The following CTNNA3 variants were observed in gnomAD, a reference collection of about 807,000 sequenced individuals.
CTNNA3 encodes the protein catenin alpha-3.
CTNNA3 carries 76 observed loss-of-function variants against 95.7 expected under a neutral mutation model. That is an observed-to-expected ratio of 0.79 (90% CI 0.66 to 0.96). The LOEUF is 0.96. CTNNA3 is among the 40% of genes least tolerant of loss of function. The pLI is 0.00. For synonymous variants in CTNNA3, 431 were observed against 374.4 expected, an observed-to-expected ratio of 1.15 and a Z score of -1.74; for missense variants, 1,191 against 1,089.8, an observed-to-expected ratio of 1.09 and a Z score of -1.31.
intron 5 of CTNNA3, among the ~76,000 whole-genome samples, chr10:67,318,868 A>C (rs1841181137): frequency 6.6e-6 from 1 of 152,214 alleles, no homozygotes; most frequent in Non-Finnish European, 1.5e-5. Context: ...GTTCACAAAA[A>C]ACTTAACATA....
chr10:66,796,413 A>G (rs1841192233), intron 7 of CTNNA3, among the ~76,000 whole-genome samples: 1 of 152,072 alleles, frequency 6.6e-6, no homozygotes, highest in Admixed American at 6.6e-5. Context: ...TAATTTACCC[A>G]TCTTATATGG....
intron 5 of CTNNA3, among the ~76,000 whole-genome samples, chr10:67,272,031 A>G (rs193178064): frequency 3.3e-5 from 5 of 152,322 alleles, no homozygotes; most frequent in African/African-American, 9.6e-5. Flanking sequence ...GGCCCACTAA[A>G]CTGTATACAT....
intron 17 of CTNNA3, 35 bp from the exon 18 acceptor site, chr10:65,920,652 C>T: frequency 6.3e-7 from 1 of 1,592,332 alleles, no homozygotes; most frequent in Non-Finnish European, 8.6e-7. Context: ...AGCTATTATT[C>T]CAGGAGGTTT....
intron 11 of CTNNA3, among the ~76,000 whole-genome samples, chr10:66,486,584 A>G (rs542634083): frequency 2.0e-5 from 3 of 152,282 alleles, no homozygotes; most frequent in South Asian, 2.1e-4. Context: ...AGCTTTGTAC[A>G]CTGTTCGTGG....
intron 15 of CTNNA3, among the ~76,000 whole-genome samples, chr10:66,052,727 T>A (rs1328472171): frequency 1.3e-5 from 2 of 152,054 alleles, no homozygotes; most frequent in African/African-American, 4.8e-5. Flanking sequence ...AGGGTTGAGA[T>A]TTTGTGTCAT....
intron 12 of CTNNA3, among the ~76,000 whole-genome samples, chr10:66,293,487 C>T (rs1393407278): frequency 6.6e-6 from 1 of 151,612 alleles, no homozygotes; most frequent in East Asian, 1.9e-4. Flanking sequence ...AACTTTAAGC[C>T]AAAGAATCTA....
chr10:67,545,073 G>GT (rs61552682), intron 3 of CTNNA3, among the ~76,000 whole-genome samples: 60,068 of 151,966 alleles, frequency 0.4, 15,127 homozygotes, highest in African/African-American at 0.68. Context: ...ACTAATCTGT[G>GT]TTTTTTTATT....
chr10:67,385,335 A>G (rs1169075502), intron 5 of CTNNA3, among the ~76,000 whole-genome samples: 2 of 152,190 alleles, frequency 1.3e-5, no homozygotes, highest in Non-Finnish European at 2.9e-5. Context: ...CAAGAATGGG[A>G]CTTTTTAATT....
At chr10:67,186,774 A>AT (rs1295425751) in intron 6 of CTNNA3, among the ~76,000 whole-genome samples, 1 of 152,030 alleles carries the variant, frequency 6.6e-6, no homozygotes, top group African/African-American at 2.4e-5. Flanking sequence ...AATAGAAAAT[A>AT]TTTTTCCTTT....
chr10:66,157,491 GTAGATAGATAGA>G (rs34507083), intron 13 of CTNNA3, among the ~76,000 whole-genome samples: 24,797 of 147,338 alleles, frequency 0.17, 2,197 homozygotes, highest in Admixed American at 0.24. Context: ...AGATAGATAT[GTAGATAGATAGA>G]TAGATAGATA....
intron 7 of CTNNA3, among the ~76,000 whole-genome samples, chr10:67,103,341 C>G (rs1589743061): frequency 6.6e-6 from 1 of 151,774 alleles, no homozygotes; most frequent in Non-Finnish European, 1.5e-5. Flanking sequence ...CAGGTTGCTT[C>G]CTGACAGACT....
chr10:66,978,049 C>T (rs1404331702), intron 7 of CTNNA3, among the ~76,000 whole-genome samples: 1 of 3,212 alleles, frequency 3.1e-4, no homozygotes. Flanking sequence ...TAAATTTGCA[C>T]ACACATATAT....
chr10:66,336,084 G>A lies in CTNNA3; in HGVS notation c.1732+43068C>T, dbSNP rs188173264. Among the ~76,000 whole-genome samples the A allele has an allele frequency of 1.6e-3, 242 of 151,270 alleles. 3 individuals are homozygous for A. Among genetic ancestry groups the A allele is most frequent in the Middle Eastern group, 3.4e-3 (1 of 292 alleles). ...TATTTGCTAAGACCATTGGAAAAGCGCAGTATTAGGGTGGGAGTGACCCGA... is the reference window on the plus strand; with the variant it reads ...TATTTGCTAAGACCATTGGAAAAGCACAGTATTAGGGTGGGAGTGACCCGA... On this transcript the variant is annotated intron_variant, in intron 12 of 17. Coordinates refer to ENST00000433211, the MANE Select transcript of CTNNA3 (RefSeq NM_013266.4).
chr10:66,659,967 A>G (rs546076941), intron 9 of CTNNA3, among the ~76,000 whole-genome samples: 1 of 152,254 alleles, frequency 6.6e-6, no homozygotes, highest in South Asian at 2.1e-4. Context: ...TCATTATGAC[A>G]ATATTGACAA....
In CTNNA3 at chr10:66,342,846, C is replaced by T. The variant is rs76482432; in HGVS notation, c.1732+36306G>A. On this transcript the variant is annotated intron_variant, in intron 12 of 17. Transcript: ENST00000433211. ...AATTTTTGGAAGATATTATCTTTGT[C>T]GTATTATTTGTTCAATGACAACTAT... 3.9e-4 allele frequency among the ~76,000 whole-genome samples: 59 copies of T among 151,870 alleles called. 1 individual carries two copies. In the East Asian group the frequency reaches 8.5e-3, roughly 22 times the overall value.
intron 9 of CTNNA3, among the ~76,000 whole-genome samples, chr10:66,623,746 G>C (rs1232563057): frequency 6.6e-6 from 1 of 152,092 alleles, no homozygotes; most frequent in Non-Finnish European, 1.5e-5. Flanking sequence ...TGCAGTTTTA[G>C]TGCTATTGTG....
At chr10:66,424,362 C>T (rs1365970207) in intron 11 of CTNNA3, among the ~76,000 whole-genome samples, 1 of 151,178 alleles carries the variant, frequency 6.6e-6, no homozygotes, top group African/African-American at 2.4e-5. Flanking sequence ...TTGTTCTTTC[C>T]ACAGTTTTCA....
rs554809985 is a variant in CTNNA3, at chr10:66,784,165, T to C, written c.1048-8641A>G. Among the ~76,000 whole-genome samples, 3 of 152,310 alleles carry C rather than the reference T, an allele frequency of 2.0e-5. No homozygotes were observed. The East Asian group carries it at 5.8e-4, about 29-fold the overall frequency. The stretch of plus-strand genomic sequence containing the variant: ...TATTCTTTGCTGATTAACATAAATA[T>C]TTTCTATCATTTCTTTCCTAAATTA... On this transcript the variant is annotated intron_variant, in intron 7 of 17. Transcript: ENST00000433211.
chr10:66,242,108 C>A (rs35395394), intron 13 of CTNNA3, among the ~76,000 whole-genome samples: 33,113 of 151,978 alleles, frequency 0.22, 3,696 homozygotes, highest in Admixed American at 0.27. Context: ...CATGTGATTC[C>A]CTGTGCCACT....
Sources: gnomAD v4.1 joint callset for allele counts (sites outside exome capture counted in the v4.1 genomes callset) on GRCh38, gnomAD v4.1.1 for gene constraint, MANE v1.5 for transcripts, NCBI Gene and HGNC (gene_info 2026-07-23, HGNC 2026-07-21) for gene names.